Variants in C8orf34 observed in about 807,000 individuals in gnomAD.
C8orf34 encodes the protein uncharacterized protein C8orf34.
A neutral mutation model predicts 68.3 loss-of-function variants in C8orf34; 65 were observed. That is an observed-to-expected ratio of 0.95 (90% confidence interval 0.78 to 1.17). The LOEUF (loss-of-function observed/expected upper bound fraction) is 1.17. Among genes scored for constraint, C8orf34 ranks in the 50% most tolerant of loss-of-function variants. The probability of loss-of-function intolerance (pLI) is 0.00; values close to 1 mark genes in which losing one functional copy is unlikely to be tolerated. For synonymous variants in C8orf34, 244 were observed against 241.2 expected (o/e 1.01, Z -0.11); for missense variants, 664 against 655.4 (o/e 1.01, Z -0.14).
chr8:68,603,446 T>A (rs1241864691), intron 7 of C8orf34, among the ~76,000 whole-genome samples: 1 of 151,950 alleles, frequency 6.6e-6, no homozygotes, highest in Non-Finnish European at 1.5e-5. Flanking sequence ...CAGTTGTTCA[T>A]CTGGAATATA....
intron 7 of C8orf34, among the ~76,000 whole-genome samples, chr8:68,618,105 T>C (rs1818281170): frequency 6.6e-6 from 1 of 152,156 alleles, no homozygotes. Flanking sequence ...TTGTCTTGAA[T>C]GTCTCAAATG....
At chr8:68,649,218 G>A (rs768762255) in intron 8 of C8orf34, among the ~76,000 whole-genome samples, 2 of 152,108 alleles carry the variant, frequency 1.3e-5, no homozygotes, top group Admixed American at 6.6e-5. Context: ...TGTATACAAT[G>A]CACCATCTAC....
In C8orf34 at chr8:68,521,783, C is replaced by A. The variant is rs1814765056; in HGVS notation, c.766-16C>A. 4.4e-6 allele frequency: 7 copies of A among 1,604,946 alleles called. No individual in the cohort carries two copies. The highest frequency in any genetic ancestry group is 1.3e-5 in the African/African-American group (1 of 74,606). Reference sequence around the variant, plus strand: ...AAAAAGCCATCTAAGACAGCATATTCTTTTCTTCTCTTCAGGAAACAGTGA... The same window carrying A: ...AAAAAGCCATCTAAGACAGCATATTATTTTCTTCTCTTCAGGAAACAGTGA... On this transcript the variant is annotated splice_polypyrimidine_tract_variant and intron_variant, in intron 5 of 13. Transcript: ENST00000518698.
intron 12 of C8orf34, among the ~76,000 whole-genome samples, chr8:68,794,503 A>ATTTT (rs1282291648): frequency 6.4e-5 from 5 of 78,416 alleles, no homozygotes; most frequent in African/African-American, 1.6e-4. Flanking sequence ...ATATATATAT[A>ATTTT]TATTTTTTTT....
rs984912690 is a variant in C8orf34 at position 68,640,412 on chromosome 8, C to T, written c.1142C>T (p.Thr381Ile). 3.7e-6 allele frequency: 6 copies of T among 1,613,752 alleles called. No individual in the cohort carries two copies. Among genetic ancestry groups the T allele is most frequent in the Non-Finnish European group, 3.4e-6 (4 of 1,179,832 alleles). ...GATTTAAGAATGGAGGGAGTAACAACCCTGGTACCTTCTGGGAGCAAATTT... is the reference window on the plus strand; with the variant it reads ...GATTTAAGAATGGAGGGAGTAACAATCCTGGTACCTTCTGGGAGCAAATTT... ...LNDLRMEGVT[T>I]LVPSGSKFNQ... Residue 381 changes from threonine to isoleucine, a missense_variant, in exon 8 of 14, where the codon ACC becomes ATC. Coordinates refer to ENST00000518698, the MANE Select transcript of C8orf34 (RefSeq NM_052958.4).
At chr8:68,782,884 C>T (rs981611680) in intron 11 of C8orf34, among the ~76,000 whole-genome samples, 6 of 151,356 alleles carry the variant, frequency 4.0e-5, no homozygotes, top group Non-Finnish European at 5.9e-5. Flanking sequence ...GAGAGAGACC[C>T]AGTCTCTACA....
chr8:68,761,964 T>C (rs1461490652), intron 10 of C8orf34, among the ~76,000 whole-genome samples: 1 of 152,210 alleles, frequency 6.6e-6, no homozygotes, highest in Non-Finnish European at 1.5e-5. Flanking sequence ...CTTGATAACT[T>C]TGAAAATGTG....
At chr8:68,742,742 A>G (rs1822340394) in intron 10 of C8orf34, among the ~76,000 whole-genome samples, 1 of 131,158 alleles carries the variant, frequency 7.6e-6, no homozygotes, top group Non-Finnish European at 1.6e-5. Context: ...AAAGAAAGAC[A>G]CAGCTTCTTT....
chr8:68,401,219 T>G (rs1003215007), intron 1 of C8orf34, among the ~76,000 whole-genome samples: 28 of 152,116 alleles, frequency 1.8e-4, no homozygotes, highest in Non-Finnish European at 3.5e-4. Flanking sequence ...TTGTGTATGT[T>G]GATTTTATAT....
intron 12 of C8orf34, chr8:68,791,087 G>T (rs764464504): frequency 1.6e-5 from 9 of 569,646 alleles, no homozygotes; most frequent in Admixed American, 3.2e-5. Context: ...GAGAAGACAT[G>T]CAAGACAGTG....
intron 7 of C8orf34, among the ~76,000 whole-genome samples, chr8:68,613,440 C>CATT (rs1818086356): frequency 7.5e-6 from 1 of 133,274 alleles, no homozygotes; most frequent in African/African-American, 3.5e-5. Flanking sequence ...CCATCCCTCC[C>CATT]CCTCCCCCCA....
intron 7 of C8orf34, among the ~76,000 whole-genome samples, chr8:68,570,061 C>T (rs1816717363): frequency 6.6e-6 from 1 of 152,140 alleles, no homozygotes; most frequent in African/African-American, 2.4e-5. Context: ...TCCCTAGTAG[C>T]CTCAAAATAA....
intron 7 of C8orf34, among the ~76,000 whole-genome samples, chr8:68,614,159 G>C (rs912469771): frequency 6.6e-6 from 1 of 152,120 alleles, no homozygotes; most frequent in South Asian, 2.1e-4. Context: ...TTGTAAATTT[G>C]TTTGAGTTCA....
At chr8:68,756,246 T>C (rs1412598539) in intron 10 of C8orf34, among the ~76,000 whole-genome samples, 5 of 152,210 alleles carry the variant, frequency 3.3e-5, no homozygotes, top group Admixed American at 1.3e-4. Flanking sequence ...TCAGGGACTT[T>C]ATTTTTCCTA....
intron 5 of C8orf34, among the ~76,000 whole-genome samples, chr8:68,519,760 T>C (rs1814671494): frequency 6.6e-6 from 1 of 152,204 alleles, no homozygotes; most frequent in African/African-American, 2.4e-5. Flanking sequence ...ATGGTTTAAC[T>C]ATGTTATTTA....
At chr8:68,515,226 A>T (rs1025841689) in intron 5 of C8orf34, among the ~76,000 whole-genome samples, 2 of 151,954 alleles carry the variant, frequency 1.3e-5, no homozygotes, top group African/African-American at 4.8e-5. Context: ...CAATGTAGGA[A>T]TAGAACCTGA....
At chr8:68,376,182 G>GGCATA (rs1807786092) in intron 1 of C8orf34, among the ~76,000 whole-genome samples, 1 of 49,030 alleles carries the variant, frequency 2.0e-5, no homozygotes, top group South Asian at 6.2e-4. Flanking sequence ...AGAAAAGGCA[G>GGCATA]ACATAAAATA....
At chr8:68,587,163 T>C (rs559676167) in intron 7 of C8orf34, among the ~76,000 whole-genome samples, 11 of 152,222 alleles carry the variant, frequency 7.2e-5, no homozygotes, top group Non-Finnish European at 1.5e-5. Context: ...CTTGGGACAA[T>C]TACTCATTTC....
intron 3 of C8orf34, among the ~76,000 whole-genome samples, chr8:68,453,112 C>G (rs553534847): frequency 6.6e-6 from 1 of 152,056 alleles, no homozygotes; most frequent in Admixed American, 6.6e-5. Flanking sequence ...CAATTCCATT[C>G]CATTAAGCTA....
Sources: gnomAD v4.1 joint callset for allele counts (sites outside exome capture counted in the v4.1 genomes callset) on GRCh38, gnomAD v4.1.1 for gene constraint, MANE v1.5 for transcripts, NCBI Gene and HGNC (gene_info 2026-07-23, HGNC 2026-07-21) for gene names.